The following ZNF513 variants were observed in gnomAD, a reference collection of about 807,000 sequenced individuals.
The protein encoded by ZNF513 is zinc finger protein 513.
Under a neutral mutation model 39.7 loss-of-function variants are expected in ZNF513, and 16 were observed. The observed-to-expected ratio is 0.40, with a 90% CI of 0.27 to 0.61. The LOEUF is 0.61. Among genes scored for constraint, ZNF513 ranks in the 20% least tolerant of loss-of-function variants. The pLI, the probability that ZNF513 is intolerant of heterozygous loss-of-function variation, is 0.39. For synonymous variants in ZNF513, 348 were observed against 296.5 expected (o/e 1.17, Z -1.79); for missense variants, 699 against 743.6 (o/e 0.94, Z 0.70).
chr2:27,380,332 G>A lies in ZNF513; in HGVS notation c.56-84C>T, dbSNP rs1683562298. On this transcript the variant is annotated intron_variant, in intron 1 of 3. Coordinates refer to ENST00000323703, the MANE Select transcript of ZNF513 (RefSeq NM_144631.6). Reference sequence around the variant, plus strand: ...CTTCCCGTACTCGCTGACCCACTCTGATTCCCTTAGTGCCTCGGTGGGAAG... The same window carrying A: ...CTTCCCGTACTCGCTGACCCACTCTAATTCCCTTAGTGCCTCGGTGGGAAG... The A allele has an allele frequency of 2.5e-6, 4 of 1,610,722 alleles. No individual in the cohort carries two copies. The South Asian group carries it at 4.4e-5, about 18-fold the overall frequency.
Position 27,378,817 on chromosome 2 carries a change from T to A in ZNF513, c.449A>T (p.Tyr150Phe), listed in dbSNP as rs761453580. The A allele has an allele frequency of 6.2e-7, 1 of 1,612,768 alleles. No individual in the cohort carries two copies. Among genetic ancestry groups the A allele is most frequent in the Admixed American group, 1.7e-5 (1 of 59,842 alleles). ...GGPLLPPRLL[Y>F]SCRLCTFVSH... ...CACGAAGGTGCAGAGGCGGCATGAG[T>A]ACAGTAGCCGTGGGGGCAGCAGGGG... Residue 150 changes from tyrosine (Y) to phenylalanine (F), a missense_variant, in exon 3 of 4, where the codon TAC becomes TTC. Physicochemically the swap from Tyr to Phe is conservative, Grantham distance 22. Transcript: ENST00000323703. The surrounding 1 kb of genome is among the most constrained non-coding windows in gnomAD (Gnocchi z 8.0).
chr2:27,377,611 C>T lies in ZNF513; in HGVS notation c.1560G>A (p.Leu520=), dbSNP rs1200637360. The T allele has an allele frequency of 2.5e-6, 4 of 1,613,978 alleles. No homozygotes were observed. In the South Asian group the frequency reaches 3.3e-5, roughly 13 times the overall value. The change falls in exon 4 of 4, where the codon TTG becomes TTA. Residue 520 remains leucine (L), a synonymous_variant. Transcript: ENST00000323703. This position sits in a 1 kb window ranked among gnomAD's most constrained non-coding sequence, Gnocchi z 4.4. ...CCAGGGCTGGTGGGCCCCGAGAGCT[C>T]AAAACAGAGGGTGGGCTATGAGGTG... ...WAPPHSPPSV[L]SSRGPPALGT...
Position 27,378,532 on chromosome 2 carries a change from G to C in ZNF513, c.734C>G (p.Thr245Ser). Residue 245 changes from threonine (T) to serine (S), a missense_variant, in exon 3 of 4, where the codon ACT (threonine) becomes AGT (serine). Physicochemically the swap from Thr to Ser is moderately conservative, Grantham distance 58 (BLOSUM62 1). This residue lies in a region of ZNF513 where 530 missense variants were observed against 499.3 expected (regional missense o/e 1.06). Coordinates refer to ENST00000323703, the MANE Select transcript of ZNF513 (RefSeq NM_144631.6). The surrounding 1 kb of genome is among the most constrained non-coding windows in gnomAD (Gnocchi z 8.0). ...PCPTCGFRCC[T>S]PRPARPPSPT... ...ACTGGGAGGCCGGGCTGGTCGTGGAGTACAGCAGCGGAAGCCACAGGTCGG... is the reference window on the plus strand; with the variant it reads ...ACTGGGAGGCCGGGCTGGTCGTGGACTACAGCAGCGGAAGCCACAGGTCGG... 1 of 1,614,116 alleles carries C rather than the reference G, an allele frequency of 6.2e-7. No homozygotes were observed.
rs148537371 is a variant in ZNF513 at position 27,378,290 on chromosome 2, C to A, written c.881G>T (p.Gly294Val). 3 of 1,600,948 alleles carry A rather than the reference C, an allele frequency of 1.9e-6. No homozygotes were observed. The highest frequency in any genetic ancestry group is 2.5e-6 in the Non-Finnish European group (3 of 1,179,960). The change falls in exon 4 of 4, where the codon GGT becomes GTT. Residue 294 changes from glycine to valine, a missense_variant. This residue lies in a region of ZNF513 where 530 missense variants were observed against 499.3 expected (regional missense o/e 1.06). Transcript: ENST00000323703. This position sits in a 1 kb window ranked among gnomAD's most constrained non-coding sequence, Gnocchi z 8.0. ...SFLPDCGQLR[G>V]EGEGLCGTGS... ...AGTCCCGCAGAGGCCCTCCCCTTCACCCCGCAGCTGCCCACAGTCTGGCAG... is the reference window on the plus strand; with the variant it reads ...AGTCCCGCAGAGGCCCTCCCCTTCAACCCGCAGCTGCCCACAGTCTGGCAG...
chr2:27,377,933 T>C lies in ZNF513; in HGVS notation c.1238A>G (p.Glu413Gly). The C allele has an allele frequency of 6.2e-7, 1 of 1,613,894 alleles. No homozygotes were observed. Among genetic ancestry groups the C allele is most frequent in the Non-Finnish European group, 8.5e-7 (1 of 1,179,948 alleles). The change falls in exon 4 of 4, where the codon GAG becomes GGG. Residue 413 changes from glutamate to glycine, a missense_variant. Coordinates refer to ENST00000323703, the MANE Select transcript of ZNF513 (RefSeq NM_144631.6). The surrounding 1 kb of genome is among the most constrained non-coding windows in gnomAD (Gnocchi z 4.4). ...GCAGAGGGGGCACTTGTAGGGCTTC[T>C]CTCCTGTATGGACGCGCTGGTGCCG... is the stretch of plus-strand genomic sequence containing the variant. ...LKRHQRVHTGEKPYKCPLCPY... is the reference protein window; with the variant it reads ...LKRHQRVHTGGKPYKCPLCPY...
intron 2 of ZNF513, among the ~76,000 whole-genome samples, chr2:27,379,564 C>G (rs971863323): frequency 3.9e-5 from 6 of 152,118 alleles, no homozygotes; most frequent in Non-Finnish European, 7.3e-5. Flanking sequence ...TTACATGGAT[C>G]CCCTCAATGA....
At chr2:27,380,430 C>T (rs746388733) in intron 1 of ZNF513, 42 bp downstream of exon 1, 2 of 1,577,332 alleles carry the variant, frequency 1.3e-6, no homozygotes, top group Non-Finnish European at 1.7e-6. Flanking sequence ...CTCCACTGAC[C>T]CCACCCCCGC....
At position 27,377,985 on chromosome 2, in the gene ZNF513, C is replaced by T. The variant is rs760721973; in HGVS notation, c.1186G>A (p.Ala396Thr). 1 of 1,611,782 alleles carries T rather than the reference C, an allele frequency of 6.2e-7. No individual in the cohort carries two copies. The highest frequency in any genetic ancestry group is 1.7e-5 in the Admixed American group (1 of 59,828). Residue 396 changes from alanine (A) to threonine (T), a missense_variant, in exon 4 of 4, where the codon GCC (alanine) becomes ACC (threonine). Coordinates refer to ENST00000323703, the MANE Select transcript of ZNF513 (RefSeq NM_144631.6). The surrounding 1 kb of genome is among the most constrained non-coding windows in gnomAD (Gnocchi z 4.4). Reference protein sequence around the residue: ...KPFRCARCPYASAHLDNLKRH... With the variant: ...KPFRCARCPYTSAHLDNLKRH... ...TTCAGGTTATCCAGATGAGCAGAGG[C>T]ATAAGGACAGCGGGCGCAGCGGAAG...
In ZNF513 at chr2:27,378,208, T is replaced by C. The variant is rs1253717030; in HGVS notation, c.963A>G (p.Gln321=). Residue 321 remains glutamine, a synonymous_variant, in exon 4 of 4, where the codon CAA becomes CAG. Transcript: ENST00000323703. The surrounding 1 kb of genome is among the most constrained non-coding windows in gnomAD (Gnocchi z 8.0). ...GACTACCCTCACCCTCCTCCAGCTC[T>C]TGTCCACAGCCCCGGCAGGTCCAAG... ...LFPWTCRGCG[Q]ELEEGEGSRL... The C allele has an allele frequency of 2.5e-6, 4 of 1,608,222 alleles. No individual in the cohort carries two copies. The highest frequency in any genetic ancestry group is 3.4e-6 in the Non-Finnish European group (4 of 1,179,944).
rs1050623709 is a variant in ZNF513, at chr2:27,377,447, T to G, written c.*98A>C. 1 of 1,372,892 alleles carries G rather than the reference T, an allele frequency of 7.3e-7. No homozygotes were observed. Among genetic ancestry groups the G allele is most frequent in the Admixed American group, 1.8e-5 (1 of 55,122 alleles). The allele number at this position is 1,372,892 out of a possible 1,614,324, so 85.0% of individuals were successfully genotyped here. On this transcript the variant is annotated 3_prime_UTR_variant, in exon 4 of 4. Coordinates refer to ENST00000323703, the MANE Select transcript of ZNF513 (RefSeq NM_144631.6). The surrounding 1 kb of genome is among the most constrained non-coding windows in gnomAD (Gnocchi z 4.4). ...GCCCATGGGGTTGGGCTGGTCCTTA[T>G]AGTGCCTACGTTAGTCTGTGTGGAG...
intron 1 of ZNF513, 21 bp downstream of exon 1, chr2:27,380,451 T>G (rs376350908): frequency 1.9e-4 from 263 of 1,386,178 alleles, no homozygotes; most frequent in South Asian, 7.6e-4. Context: ...TCCTCTCCCC[T>G]CAAGGCCCCT....
In ZNF513 at chr2:27,377,801, A is replaced by G; in HGVS notation, c.1370T>C (p.Met457Thr). 1 of 1,613,562 alleles carries G rather than the reference A, an allele frequency of 6.2e-7. No homozygotes were observed. The highest frequency in any genetic ancestry group is 8.5e-7 in the Non-Finnish European group (1 of 1,179,868). ...SLCNYSCNQSMNLKRHMLRHT... is the reference protein window; with the variant it reads ...SLCNYSCNQSTNLKRHMLRHT... ...CCGCAGCATGTGACGTTTGAGGTTC[A>G]TGCTCTGGTTGCAGCTGTAGTTGCA... Residue 457 changes from methionine to threonine, a missense_variant, in exon 4 of 4, where the codon ATG becomes ACG. Around this residue, in one of 3 missense-constraint regions of ZNF513, gnomAD observed 98 missense variants for 180.2 expected, o/e 0.54. Transcript: ENST00000323703. The surrounding 1 kb of genome is among the most constrained non-coding windows in gnomAD (Gnocchi z 4.4).
At chr2:27,380,415 G>GC in intron 1 of ZNF513, 57 bp downstream of exon 1, 1 of 1,575,490 alleles carries the variant, frequency 6.3e-7, no homozygotes, top group East Asian at 2.4e-5. Context: ...CCTGACCTGA[G>GC]CCCACTCCAC....
At position 27,378,647 on chromosome 2, in the gene ZNF513, G is replaced by A. The variant is rs140620118; in HGVS notation, c.619C>T (p.Arg207Cys). ...TRTHTGEKPY[R>C]CPHCPFACSS... ...CAGGCAAAGGGGCAGTGGGGACAGC[G>A]GTAGGGCTTCTCGCCAGTGTGGGTG... The change falls in exon 3 of 4, where the codon CGC becomes TGC. Residue 207 changes from arginine (R) to cysteine (C), a missense_variant. Arg to Cys is a radical substitution (Grantham distance 180). Around this residue, in one of 3 missense-constraint regions of ZNF513, gnomAD observed 530 missense variants for 499.3 expected, o/e 1.06. Transcript: ENST00000323703. The surrounding 1 kb of genome is among the most constrained non-coding windows in gnomAD (Gnocchi z 8.0). 66 of 1,613,886 alleles carry A rather than the reference G, an allele frequency of 4.1e-5. No individual in the cohort carries two copies. Among genetic ancestry groups the A allele is most frequent in the East Asian group, 2.9e-4 (13 of 44,876 alleles).
chr2:27,380,708 C>T lies in ZNF513; in HGVS notation c.-182G>A. 9.1e-7 allele frequency: 1 copy of T among 1,096,376 alleles called. No homozygotes were observed. Among genetic ancestry groups the T allele is most frequent in the Non-Finnish European group, 1.2e-6 (1 of 864,558 alleles). 67.9% of individuals were successfully genotyped at this position (1,096,376 alleles called of 1,614,324 possible). A position where few individuals can be genotyped will look rare whatever the true frequency, so the allele number is the denominator to read the frequency against. On this transcript the variant is annotated 5_prime_UTR_variant, in exon 1 of 4. Transcript: ENST00000323703. ...CCAGCTCAGGCCGCTCCCGCCGCCGCCGCCGCTTCCATTCATGGAGCCCCC... is the reference window on the plus strand; with the variant it reads ...CCAGCTCAGGCCGCTCCCGCCGCCGTCGCCGCTTCCATTCATGGAGCCCCC...
At position 27,380,698 on chromosome 2, in the gene ZNF513, C is replaced by CCCGCCG. The variant is rs1282763709; in HGVS notation, c.-178_-173dup. On this transcript the variant is annotated 5_prime_UTR_variant, in exon 1 of 4. Coordinates refer to ENST00000323703, the MANE Select transcript of ZNF513 (RefSeq NM_144631.6). Reference sequence around the variant, plus strand: ...GCCCCGGCGCCCAGCTCAGGCCGCTCCCGCCGCCGCCGCCGCTTCCATTCA... The same window carrying CCCGCCG: ...GCCCCGGCGCCCAGCTCAGGCCGCTCCCGCCGCCGCCGCCGCCGCCGCTTCCATTCA... 23 of 1,141,160 alleles carry CCCGCCG rather than the reference C, an allele frequency of 2.0e-5. No homozygotes were observed. Among genetic ancestry groups the CCCGCCG allele is most frequent in the Non-Finnish European group, 2.3e-5 (21 of 906,022 alleles). 70.7% of individuals were successfully genotyped at this position (1,141,160 alleles called of 1,614,324 possible).
In ZNF513 at chr2:27,380,624, C is replaced by A; in HGVS notation, c.-98G>T. On this transcript the variant is annotated 5_prime_UTR_variant, in exon 1 of 4. Transcript: ENST00000323703. ...TGTCTGCCCTTCCTCTCAGGGCCCG[C>A]GGGCCGCCCCCATGCAGCGGCGCGG... 1 of 1,483,964 alleles carries A rather than the reference C, an allele frequency of 6.7e-7. No individual in the cohort carries two copies. 91.9% of individuals were successfully genotyped at this position (1,483,964 alleles called of 1,614,324 possible).
Position 27,380,098 on chromosome 2 carries a change from G to C in ZNF513, c.206C>G (p.Ser69Trp). 6.2e-7 allele frequency: 1 copy of C among 1,614,030 alleles called. No individual in the cohort carries two copies. Residue 69 changes from serine to tryptophan, a missense_variant, in exon 2 of 4, where the codon TCG (serine) becomes TGG (tryptophan). This residue lies in a region of ZNF513 where 530 missense variants were observed against 499.3 expected (regional missense o/e 1.06). Coordinates refer to ENST00000323703, the MANE Select transcript of ZNF513 (RefSeq NM_144631.6). ...ACCAAGACCCGAAAACCCACCTTCC[G>C]AGTCTCTCTCGAAGCCCATGAGCTG... is the stretch of plus-strand genomic sequence containing the variant. The part of the protein sequence containing the change: ...SDQLMGFERD[S>W]EGDSLGARPG...
At chr2:27,380,013 G>A (rs1683550241) in intron 2 of ZNF513, 80 bp downstream of exon 2, 10 of 1,580,876 alleles carry the variant, frequency 6.3e-6, no homozygotes, top group Non-Finnish European at 6.9e-6. Context: ...AGGAAATGGT[G>A]TTCTGTTCAC....
Sources: allele counts gnomAD v4.1 joint callset (sites outside exome capture counted in the v4.1 genomes callset), GRCh38; gene constraint gnomAD v4.1.1; regional missense constraint gnomAD v4.1.1; non-coding constraint Gnocchi (gnomAD v3.1); transcripts MANE v1.5; gene names NCBI Gene and HGNC (gene_info 2026-07-23, HGNC 2026-07-21).